NUBPL: variants seen among roughly 807,000 people sequenced by gnomAD.
NUBPL encodes iron-sulfur cluster transfer protein NUBPL.
NUBPL carries 31 observed loss-of-function variants against 45.7 expected under a neutral mutation model. That is an observed-to-expected ratio of 0.68 (90% CI 0.51 to 0.92). The LOEUF is 0.92. Ranked by LOEUF, NUBPL falls within the 40% of genes least tolerant of loss-of-function variation. The probability of loss-of-function intolerance (pLI) is 0.00; values close to 1 mark genes in which losing one functional copy is unlikely to be tolerated. For missense variants in NUBPL, 401 were observed against 398.7 expected, an observed-to-expected ratio of 1.01 and a Z score of -0.05; for synonymous variants, 144 against 140.9, an observed-to-expected ratio of 1.02 and a Z score of -0.15.
At chr14:31,855,197 A>G (rs1326085990) in intron 10 of NUBPL, among the ~76,000 whole-genome samples, 1 of 152,252 alleles carries the variant, frequency 6.6e-6, no homozygotes, top group Non-Finnish European at 1.5e-5. Flanking sequence ...GTACCTAGAA[A>G]AGCTACTAGG....
intron 4 of NUBPL, among the ~76,000 whole-genome samples, chr14:31,655,235 G>A (rs2036113470): frequency 6.6e-6 from 1 of 152,184 alleles, no homozygotes; most frequent in Admixed American, 6.5e-5. Flanking sequence ...TACTATCTAT[G>A]GCAGCTTTAG....
chr14:31,619,863 A>T (rs138752421), intron 4 of NUBPL, among the ~76,000 whole-genome samples: 1,613 of 152,124 alleles, frequency 0.011, 24 homozygotes, highest in African/African-American at 0.037. Context: ...CTCCTGGAAA[A>T]CACTGAAGAG....
chr14:31,849,187 A>G (rs2040500785), intron 9 of NUBPL, among the ~76,000 whole-genome samples: 1 of 152,236 alleles, frequency 6.6e-6, no homozygotes. Context: ...TTTTTATAAC[A>G]TATACTTCAT....
chr14:31,818,330 C>T (rs777630876), intron 7 of NUBPL, among the ~76,000 whole-genome samples: 2 of 152,156 alleles, frequency 1.3e-5, no homozygotes. Context: ...ACAGAACTCT[C>T]CACCCCAAAT....
At chr14:31,856,978 C>T (rs951330544) in intron 10 of NUBPL, among the ~76,000 whole-genome samples, 1 of 152,212 alleles carries the variant, frequency 6.6e-6, no homozygotes, top group African/African-American at 2.4e-5. Context: ...CTAGGTCATG[C>T]CCCAGTAGGG....
At chr14:31,677,766 C>T (rs2036734942) in intron 6 of NUBPL, among the ~76,000 whole-genome samples, 1 of 152,214 alleles carries the variant, frequency 6.6e-6, no homozygotes, top group Non-Finnish European at 1.5e-5. Flanking sequence ...CTGAAGCCTG[C>T]ACAGCACTGG....
At chr14:31,766,249 A>T (rs2038910201) in intron 6 of NUBPL, among the ~76,000 whole-genome samples, 1 of 152,332 alleles carries the variant, frequency 6.6e-6, no homozygotes, top group Non-Finnish European at 1.5e-5. Context: ...TTTTTAACTT[A>T]GTCTGTTTTC....
chr14:31,819,695 G>A (rs1269566836), intron 7 of NUBPL, among the ~76,000 whole-genome samples: 1 of 152,176 alleles, frequency 6.6e-6, no homozygotes, highest in African/African-American at 2.4e-5. Flanking sequence ...TTTGTAAAAT[G>A]TTTATGTATT....
At chr14:31,619,998 A>G (rs12432746) in intron 4 of NUBPL, among the ~76,000 whole-genome samples, 2 of 151,132 alleles carry the variant, frequency 1.3e-5, no homozygotes, top group East Asian at 3.9e-4. Flanking sequence ...CTCTTTTTTC[A>G]CTAATCTTCT....
chr14:31,561,580 C>T (rs1455084754), intron 1 of NUBPL, 33 bp downstream of exon 1: 3 of 1,283,996 alleles, frequency 2.3e-6, no homozygotes, highest in Non-Finnish European at 3.0e-6. Flanking sequence ...GGGAAGCGGG[C>T]TGACAGATGC....
chr14:31,813,416 G>A (rs1017021954), intron 7 of NUBPL, among the ~76,000 whole-genome samples: 34 of 150,988 alleles, frequency 2.3e-4, no homozygotes, highest in South Asian at 4.2e-4. Context: ...TTTCTTTGGC[G>A]AACTTGTATT....
intron 3 of NUBPL, among the ~76,000 whole-genome samples, chr14:31,592,052 T>C (rs1250892443): frequency 6.6e-6 from 1 of 152,102 alleles, no homozygotes; most frequent in Admixed American, 6.5e-5. Context: ...TAGTGCTGGT[T>C]TGCAGTTTAA....
At position 31,859,407 on chromosome 14, in the gene NUBPL, G is replaced by T; in HGVS notation, c.*227G>T. ...TTTTGAAAGCTGGTGTGTACCACCT[G>T]CAAAGAACTGCATTTTATTTTATTG... On this transcript the variant is annotated 3_prime_UTR_variant, in exon 11 of 11. Coordinates refer to ENST00000281081, the MANE Select transcript of NUBPL (RefSeq NM_025152.3). 1 of 543,408 alleles carries T rather than the reference G, an allele frequency of 1.8e-6. No individual in the cohort carries two copies. Among genetic ancestry groups the T allele is most frequent in the East Asian group, 3.2e-5 (1 of 31,210 alleles). 33.7% of individuals were successfully genotyped at this position (543,408 alleles called of 1,614,324 possible).
intron 6 of NUBPL, among the ~76,000 whole-genome samples, chr14:31,763,893 T>A (rs1229624501): frequency 1.3e-5 from 2 of 152,192 alleles, no homozygotes; most frequent in Admixed American, 6.5e-5. Context: ...GTCCAACTGA[T>A]AATAAAGGTT....
intron 6 of NUBPL, among the ~76,000 whole-genome samples, chr14:31,748,931 C>T (rs1322282791): frequency 6.6e-6 from 1 of 152,114 alleles, no homozygotes; most frequent in Admixed American, 6.6e-5. Context: ...TTTTTATTTC[C>T]ATTTGCATGG....
intron 7 of NUBPL, among the ~76,000 whole-genome samples, chr14:31,803,959 A>G (rs995632964): frequency 1.3e-5 from 2 of 151,916 alleles, no homozygotes; most frequent in African/African-American, 2.4e-5. Flanking sequence ...GAGTCTCTCT[A>G]TATTGCACAG....
chr14:31,632,954 T>C (rs1025967833), intron 4 of NUBPL, among the ~76,000 whole-genome samples: 1 of 152,238 alleles, frequency 6.6e-6, no homozygotes, highest in Non-Finnish European at 1.5e-5. Context: ...TACTTTTAAA[T>C]TATTAATAGA....
chr14:31,731,751 C>T (rs2038052235), intron 6 of NUBPL, among the ~76,000 whole-genome samples: 1 of 152,138 alleles, frequency 6.6e-6, no homozygotes, highest in Non-Finnish European at 1.5e-5. Context: ...TTATGACTTA[C>T]ATTTAGGAAT....
At position 31,673,340 on chromosome 14, in the gene NUBPL, T is replaced by G. The variant is rs1455595310; in HGVS notation, c.383-15T>G. 1 of 1,534,080 alleles carries G rather than the reference T, an allele frequency of 6.5e-7. No individual in the cohort carries two copies. The highest frequency in any genetic ancestry group is 8.8e-7 in the Non-Finnish European group (1 of 1,130,638). On this transcript the variant is annotated splice_polypyrimidine_tract_variant and intron_variant, in intron 4 of 10. Coordinates refer to ENST00000281081, the MANE Select transcript of NUBPL (RefSeq NM_025152.3). Reference sequence around the variant, plus strand: ...GTTTTATTGTTCTAAAAGAGAGGATTTTTTTTTTTTCCAGGCAACCTAATG... The same window carrying G: ...GTTTTATTGTTCTAAAAGAGAGGATGTTTTTTTTTTCCAGGCAACCTAATG...
Sources: gnomAD v4.1 joint callset for allele counts (sites outside exome capture counted in the v4.1 genomes callset) on GRCh38, gnomAD v4.1.1 for gene constraint, MANE v1.5 for transcripts, NCBI Gene and HGNC (gene_info 2026-07-23, HGNC 2026-07-21) for gene names.